PARD3B: variants seen among roughly 807,000 people sequenced by gnomAD.
PARD3B encodes the protein par-3 family cell polarity regulator beta, also known as partitioning defective 3 homolog B.
A neutral mutation model predicts 130.2 loss-of-function variants in PARD3B; 103 were observed. The observed-to-expected ratio is 0.79, with a 90% CI of 0.67 to 0.93. The LOEUF (loss-of-function observed/expected upper bound fraction) is 0.93. Among genes scored for constraint, PARD3B ranks in the 40% least tolerant of loss-of-function variants. PARD3B has a pLI of 0.00. For synonymous variants in PARD3B, 583 were observed against 553.2 expected, an observed-to-expected ratio of 1.05 and a Z score of -0.76; for missense variants, 1,609 against 1,499.2, an observed-to-expected ratio of 1.07 and a Z score of -1.21.
chr2:205,084,414 C>T (rs1222879449), intron 4 of PARD3B, among the ~76,000 whole-genome samples: 1 of 152,032 alleles, frequency 6.6e-6, no homozygotes, highest in Non-Finnish European at 1.5e-5. Flanking sequence ...CAGCTTACTA[C>T]TTATTTGAAT....
chr2:205,322,226 C>A (rs1348332784), intron 18 of PARD3B, among the ~76,000 whole-genome samples: 1 of 152,222 alleles, frequency 6.6e-6, no homozygotes, highest in African/African-American at 2.4e-5. Context: ...ATAGTGGATT[C>A]ATCCAAGAAA....
intron 20 of PARD3B, among the ~76,000 whole-genome samples, chr2:205,450,205 A>T (rs1374985575): frequency 6.6e-6 from 1 of 152,172 alleles, no homozygotes; most frequent in African/African-American, 2.4e-5. Flanking sequence ...TATTATTGGT[A>T]TATATATTGA....
At chr2:204,987,645 C>T (rs571821890) in intron 3 of PARD3B, among the ~76,000 whole-genome samples, 8 of 152,104 alleles carry the variant, frequency 5.3e-5, no homozygotes, top group Non-Finnish European at 1.2e-4. Flanking sequence ...ATAAACAAAT[C>T]AAATTAACAA....
chr2:204,745,939 G>A (rs1292222517), intron 2 of PARD3B, among the ~76,000 whole-genome samples: 2 of 151,406 alleles, frequency 1.3e-5, no homozygotes, highest in Non-Finnish European at 2.9e-5. Flanking sequence ...TAAAAAAAGG[G>A]CGTAAAACGA....
chr2:204,965,093 A>G (rs987113287), intron 2 of PARD3B, 59 bp from the exon 3 acceptor site: 51 of 1,511,332 alleles, frequency 3.4e-5, no homozygotes, highest in Non-Finnish European at 4.6e-5. Flanking sequence ...TCAGCTAGAT[A>G]GTGTCCGTGT....
intron 3 of PARD3B, among the ~76,000 whole-genome samples, chr2:205,039,975 T>A: frequency 6.6e-6 from 1 of 152,142 alleles, no homozygotes; most frequent in South Asian, 2.1e-4. Context: ...TGTGTTTGTT[T>A]GTTTTTGAGA....
Position 205,104,413 on chromosome 2 carries a change from T to C in PARD3B, c.505-13T>C, listed in dbSNP as rs766158431. On this transcript the variant is annotated splice_polypyrimidine_tract_variant and intron_variant, in intron 4 of 22. Coordinates refer to ENST00000406610, the MANE Select transcript of PARD3B (RefSeq NM_001302769.2). ...GCACAGCATCACATGCTTATGACTTTGTTTCACTATAGGATTCCACGCAGA... is the reference window on the plus strand; with the variant it reads ...GCACAGCATCACATGCTTATGACTTCGTTTCACTATAGGATTCCACGCAGA... The C allele has an allele frequency of 1.3e-6, 2 of 1,552,252 alleles. No individual in the cohort carries two copies. Among genetic ancestry groups the C allele is most frequent in the Non-Finnish European group, 1.8e-6 (2 of 1,124,382 alleles).
At chr2:204,998,863 G>A (rs527420264) in intron 3 of PARD3B, among the ~76,000 whole-genome samples, 5 of 152,016 alleles carry the variant, frequency 3.3e-5, no homozygotes, top group South Asian at 2.1e-4. Flanking sequence ...ACAGGCATGC[G>A]CCAACACGCC....
chr2:205,362,958 C>T (rs1458236985), intron 18 of PARD3B, among the ~76,000 whole-genome samples: 1 of 152,062 alleles, frequency 6.6e-6, no homozygotes, highest in African/African-American at 2.4e-5. Context: ...AACAACCTTC[C>T]GTGTAGATCC....
At chr2:205,127,297 A>AG (rs1471250038) in intron 10 of PARD3B, among the ~76,000 whole-genome samples, 1 of 31,902 alleles carries the variant, frequency 3.1e-5, no homozygotes, top group African/African-American at 9.0e-5. Context: ...ACTCTGTCTC[A>AG]AAAAAAAAAA....
rs1447190570 is a variant in PARD3B, at chr2:205,121,522, C to T, written c.807-69C>T. 3 of 1,385,378 alleles carry T rather than the reference C, an allele frequency of 2.2e-6. No individual in the cohort carries two copies. Among genetic ancestry groups the T allele is most frequent in the Non-Finnish European group, 3.0e-6 (3 of 992,766 alleles). 85.8% of individuals were successfully genotyped at this position (1,385,378 alleles called of 1,614,324 possible). A position where few individuals can be genotyped will look rare whatever the true frequency, so the allele number is the denominator to read the frequency against. On this transcript the variant is annotated intron_variant, in intron 7 of 22. Transcript: ENST00000406610. This position sits in a 1 kb window ranked among gnomAD's most constrained non-coding sequence, Gnocchi z 5.0. The stretch of plus-strand genomic sequence containing the variant: ...CTGTGCTGCTCTTGGTTGCCATCCT[C>T]CTGGGGTACTTTAGAAGATGCTGCA...
chr2:205,561,701 C>G (rs1012679457), intron 22 of PARD3B, among the ~76,000 whole-genome samples: 2 of 152,192 alleles, frequency 1.3e-5, no homozygotes, highest in African/African-American at 2.4e-5. Context: ...ATCCGAAGAA[C>G]CTTCCTCACT....
chr2:205,262,088 A>T (rs2040336145), intron 16 of PARD3B, among the ~76,000 whole-genome samples: 1 of 152,140 alleles, frequency 6.6e-6, no homozygotes, highest in Admixed American at 6.6e-5. Flanking sequence ...ATATCCTGAT[A>T]CTTTCATGGA....
At chr2:204,617,208 G>A (rs372449507) in intron 1 of PARD3B, among the ~76,000 whole-genome samples, 4 of 152,060 alleles carry the variant, frequency 2.6e-5, no homozygotes, top group African/African-American at 9.7e-5. Context: ...ACAGGTAAAT[G>A]GTACAACCTC....
chr2:205,055,764 G>T (rs1699589600), intron 4 of PARD3B, among the ~76,000 whole-genome samples: 1 of 152,108 alleles, frequency 6.6e-6, no homozygotes, highest in African/African-American at 2.4e-5. Flanking sequence ...TAATGTCTCA[G>T]TGTTCATAAC....
intron 2 of PARD3B, among the ~76,000 whole-genome samples, chr2:204,833,497 A>G (rs2043908130): frequency 1.3e-5 from 2 of 151,932 alleles, no homozygotes; most frequent in South Asian, 2.1e-4. Flanking sequence ...TCCCCACCCA[A>G]TTCTTATCTT....
chr2:204,912,683 T>G (rs2125728587), intron 2 of PARD3B, among the ~76,000 whole-genome samples: 1 of 152,286 alleles, frequency 6.6e-6, no homozygotes, highest in African/African-American at 2.4e-5. Flanking sequence ...GGTTATCAGA[T>G]TGTTAAGCAA....
chr2:205,126,480 T>A (rs2031410159), intron 10 of PARD3B, among the ~76,000 whole-genome samples: 1 of 151,850 alleles, frequency 6.6e-6, no homozygotes, highest in Non-Finnish European at 1.5e-5. Flanking sequence ...CTGTAAAAAA[T>A]TGATAATACC....
chr2:205,087,753 T>G (rs77772160), intron 4 of PARD3B, among the ~76,000 whole-genome samples: 341 of 152,296 alleles, frequency 2.2e-3, no homozygotes, highest in African/African-American at 7.5e-3. Flanking sequence ...TCCGTGTTAG[T>G]ATTAGGCATT....
Sources: allele counts gnomAD v4.1 joint callset (sites outside exome capture counted in the v4.1 genomes callset), GRCh38; gene constraint gnomAD v4.1.1; non-coding constraint Gnocchi (gnomAD v3.1); transcripts MANE v1.5; gene names NCBI Gene and HGNC (gene_info 2026-07-23, HGNC 2026-07-21).